SENP6: variants seen among roughly 807,000 people sequenced by gnomAD.
SENP6 encodes the protein SUMO specific peptidase 6, also known as sentrin-specific protease 6.
Under a neutral mutation model 134.5 loss-of-function variants are expected in SENP6, and 41 were observed. The observed-to-expected ratio is 0.30, with a 90% CI of 0.24 to 0.40. The LOEUF (loss-of-function observed/expected upper bound fraction) is 0.40, where lower values mean the gene tolerates loss of function less well. Ranked by LOEUF, SENP6 falls within the 10% of genes least tolerant of loss-of-function variation. SENP6 has a pLI of 1.00. For synonymous variants in SENP6, 395 were observed against 429.8 expected, an observed-to-expected ratio of 0.92 and a Z score of 1.00; for missense variants, 1,248 against 1,312.5, an observed-to-expected ratio of 0.95 and a Z score of 0.76.
At chr6:75,621,927 G>T (rs1443067754) in intron 2 of SENP6, among the ~76,000 whole-genome samples, 3 of 152,058 alleles carry the variant, frequency 2.0e-5, no homozygotes, top group Non-Finnish European at 2.9e-5. Context: ...TTTTAAAAAG[G>T]CATTCTGTTC....
chr6:75,612,735 G>A (rs1412970362), intron 1 of SENP6, among the ~76,000 whole-genome samples: 1 of 152,140 alleles, frequency 6.6e-6, no homozygotes, highest in African/African-American at 2.4e-5. Flanking sequence ...GATCAGTTTG[G>A]CAATACCTAT....
rs564364981 is a variant in SENP6, at chr6:75,717,548, G to A, written c.*1954G>A. 6.6e-6 allele frequency: 1 copy of A among 152,222 alleles called. No homozygotes were observed. Among genetic ancestry groups the A allele is most frequent in the Non-Finnish European group, 1.5e-5 (1 of 67,956 alleles). The allele number at this position is 152,222 out of a possible 1,614,324, so 9.4% of individuals were successfully genotyped here. A position where few individuals can be genotyped will look rare whatever the true frequency, so the allele number is the denominator to read the frequency against. On this transcript the variant is annotated 3_prime_UTR_variant, in exon 24 of 24. Coordinates refer to ENST00000447266, the MANE Select transcript of SENP6 (RefSeq NM_015571.4). The stretch of plus-strand genomic sequence containing the variant: ...CCCATGTGAAATTTTATTTTTGGAA[G>A]TTATGCTAGTGACATTGCAATATAT...
At chr6:75,668,882 A>G (rs1485381753) in intron 10 of SENP6, among the ~76,000 whole-genome samples, 2 of 152,228 alleles carry the variant, frequency 1.3e-5, no homozygotes, top group Admixed American at 6.5e-5. Context: ...ATGATGCTCC[A>G]TGGAGGGTGT....
At chr6:75,702,146 A>G (rs926810533) in intron 18 of SENP6, among the ~76,000 whole-genome samples, 2 of 151,678 alleles carry the variant, frequency 1.3e-5, no homozygotes, top group African/African-American at 4.8e-5. Flanking sequence ...TTGAATAGAC[A>G]TTGTGTTCTG....
Position 75,715,184 on chromosome 6 carries a change from T to C in SENP6, c.3130-201T>C, listed in dbSNP as rs575558377. ...AATTTGGTCCACTGGCAAACCCTGA[T>C]CTAGACTATAAGATCTATGATAGAA... is the stretch of plus-strand genomic sequence containing the variant. On this transcript the variant is annotated intron_variant, in intron 23 of 23. Transcript: ENST00000447266. Among the ~76,000 whole-genome samples the C allele has an allele frequency of 1.4e-4, 22 of 152,278 alleles. No homozygotes were observed. The South Asian group carries it at 4.6e-3, about 32-fold the overall frequency.
rs1400710478 is a variant in SENP6 at position 75,663,362 on chromosome 6, G to A, written c.838G>A (p.Val280Met). The A allele has an allele frequency of 6.2e-7, 1 of 1,613,800 alleles. No individual in the cohort carries two copies. The highest frequency in any genetic ancestry group is 8.5e-7 in the Non-Finnish European group (1 of 1,179,870). The change falls in exon 9 of 24, where the codon GTG becomes ATG. Residue 280 changes from valine to methionine, a missense_variant. Physicochemically the swap from Val to Met is conservative, Grantham distance 21. This residue lies in a region of SENP6 where 733 missense variants were observed against 725.4 expected (regional missense o/e 1.01). Coordinates refer to ENST00000447266, the MANE Select transcript of SENP6 (RefSeq NM_015571.4). ...AACCAAGAAGTTTTATGGCAACAAT[G>A]TGGAAAAGGTTCCAATTGATATTAT... ...LTTKKFYGNN[V>M]EKVPIDIIVN...
chr6:75,614,888 G>T (rs927403135), intron 1 of SENP6, among the ~76,000 whole-genome samples: 4 of 151,898 alleles, frequency 2.6e-5, no homozygotes, highest in African/African-American at 7.3e-5. Context: ...CAAGTTTTTT[G>T]TTGTTGTTGT....
At chr6:75,658,748 A>G (rs997467353) in intron 7 of SENP6, among the ~76,000 whole-genome samples, 5 of 152,032 alleles carry the variant, frequency 3.3e-5, no homozygotes, top group Middle Eastern at 3.4e-3. Flanking sequence ...CTCTTAGAGT[A>G]AGTGACTTGG....
Position 75,716,406 on chromosome 6 carries a change from A to T in SENP6, c.*812A>T, listed in dbSNP as rs1295274337. On this transcript the variant is annotated 3_prime_UTR_variant, in exon 24 of 24. Coordinates refer to ENST00000447266, the MANE Select transcript of SENP6 (RefSeq NM_015571.4). ...ACAATCTGTGTCATATAGTTAATTG[A>T]TAAGCATTTTTAATCTGTGTAAACA... 1.3e-5 allele frequency: 2 copies of T among 152,028 alleles called. No homozygotes were observed. The highest frequency in any genetic ancestry group is 4.8e-5 in the African/African-American group (2 of 41,460). 9.4% of individuals were successfully genotyped at this position (152,028 alleles called of 1,614,324 possible). A position where few individuals can be genotyped will look rare whatever the true frequency, so the allele number is the denominator to read the frequency against.
At chr6:75,646,294 G>A (rs1040036377) in intron 6 of SENP6, among the ~76,000 whole-genome samples, 3 of 152,050 alleles carry the variant, frequency 2.0e-5, no homozygotes, top group Admixed American at 1.3e-4. Context: ...AAATTTTTCA[G>A]TGTGGAAATT....
chr6:75,623,619 G>A (rs1768441264), intron 2 of SENP6, among the ~76,000 whole-genome samples: 1 of 152,012 alleles, frequency 6.6e-6, no homozygotes, highest in South Asian at 2.1e-4. Context: ...TTTATTGTAG[G>A]GTTCAACAAA....
At chr6:75,683,910 G>A (rs1297597106) in intron 16 of SENP6, among the ~76,000 whole-genome samples, 3 of 152,182 alleles carry the variant, frequency 2.0e-5, no homozygotes, top group Non-Finnish European at 4.4e-5. Context: ...GAACTTTAAA[G>A]TAGTTTTTTC....
At chr6:75,705,191 C>A (rs1686640454) in intron 19 of SENP6, among the ~76,000 whole-genome samples, 1 of 152,200 alleles carries the variant, frequency 6.6e-6, no homozygotes, top group South Asian at 2.1e-4. Flanking sequence ...GTTTAAATCT[C>A]TCTTCAGCTC....
intron 7 of SENP6, among the ~76,000 whole-genome samples, chr6:75,653,156 G>A (rs1326361110): frequency 1.3e-5 from 2 of 151,944 alleles, no homozygotes; most frequent in African/African-American, 2.4e-5. Flanking sequence ...TCACCCTCCC[G>A]AATAGCTGGG....
intron 8 of SENP6, among the ~76,000 whole-genome samples, chr6:75,662,583 A>G (rs1327246264): frequency 6.6e-6 from 1 of 152,310 alleles, no homozygotes; most frequent in South Asian, 2.1e-4. Context: ...TCTAGTTTTT[A>G]TCATGAAAAT....
intron 1 of SENP6, among the ~76,000 whole-genome samples, chr6:75,604,770 T>C (rs1199633523): frequency 1.3e-5 from 2 of 152,204 alleles, no homozygotes; most frequent in African/African-American, 4.8e-5. Flanking sequence ...TCTTACACTT[T>C]TAATAATAAT....
chr6:75,702,729 T>C lies in SENP6; in HGVS notation c.2373T>C (p.Ala791=), dbSNP rs377539784. The part of the protein sequence containing the change: ...YEPNPHYHEN[A]VIQKCSTVED... ...CTAATCCTCATTACCATGAAAATGC[T>C]GTCATACAGAAATGTTCAACTGTAG... Residue 791 remains alanine, a synonymous_variant, in exon 19 of 24, where the codon GCT becomes GCC. Transcript: ENST00000447266. 221 of 1,613,700 alleles carry C rather than the reference T, an allele frequency of 1.4e-4. No homozygotes were observed. The highest frequency in any genetic ancestry group is 1.8e-4 in the Non-Finnish European group (213 of 1,179,906).
At position 75,713,801 on chromosome 6, in the gene SENP6, G is replaced by A; in HGVS notation, c.3105G>A (p.Leu1035=). The A allele has an allele frequency of 6.2e-7, 1 of 1,608,004 alleles. No individual in the cohort carries two copies. Among genetic ancestry groups the A allele is most frequent in the Non-Finnish European group, 8.5e-7 (1 of 1,177,318 alleles). ...TCAGTGACTGTGGTGTATATGTATT[G>A]CAGTATGTAGAGAGCTTTTTTGAGG... ...NNFSDCGVYV[L]QYVESFFENP... Residue 1035 remains leucine (L), a synonymous_variant, in exon 23 of 24, where the codon TTG becomes TTA. Coordinates refer to ENST00000447266, the MANE Select transcript of SENP6 (RefSeq NM_015571.4).
Position 75,703,007 on chromosome 6 carries a change from T to C in SENP6, c.2651T>C (p.Val884Ala), listed in dbSNP as rs757864232. 96 of 1,613,768 alleles carry C rather than the reference T, an allele frequency of 5.9e-5. No homozygotes were observed. The highest frequency in any genetic ancestry group is 7.6e-5 in the Non-Finnish European group (90 of 1,179,928). Residue 884 changes from valine to alanine, a missense_variant, in exon 19 of 24, where the codon GTT (valine) becomes GCT (alanine). This residue lies in a region of SENP6 where 386 missense variants were observed against 395.0 expected (regional missense o/e 0.98). Transcript: ENST00000447266. ...FNKGESTSQK[V>A]ADRTKSENGL... ...AAAGGAGAATCTACATCCCAGAAAG[T>C]TGCTGATAGGACTAAAAGTGAGAAT... is the stretch of plus-strand genomic sequence containing the variant.
Sources: allele counts gnomAD v4.1 joint callset (sites outside exome capture counted in the v4.1 genomes callset), GRCh38; gene constraint gnomAD v4.1.1; regional missense constraint gnomAD v4.1.1; transcripts MANE v1.5; gene names NCBI Gene and HGNC (gene_info 2026-07-23, HGNC 2026-07-21).